Variants in ST8SIA1 observed in about 807,000 individuals in gnomAD.
ST8SIA1 encodes ST8 alpha-N-acetyl-neuraminide alpha-2,8-sialyltransferase 1.
A neutral mutation model predicts 35.9 loss-of-function variants in ST8SIA1; 16 were observed. That is an observed-to-expected ratio of 0.45 (90% CI 0.30 to 0.68). The LOEUF is 0.68. ST8SIA1 is among the 30% of genes least tolerant of loss of function. The pLI, the probability that ST8SIA1 is intolerant of heterozygous loss-of-function variation, is 0.09. For missense variants in ST8SIA1, 383 were observed against 453.6 expected, an observed-to-expected ratio of 0.84 and a Z score of 1.41; for synonymous variants, 170 against 169.6, an observed-to-expected ratio of 1.00 and a Z score of -0.02.
At chr12:22,262,287 T>C (rs1865801805) in intron 2 of ST8SIA1, among the ~76,000 whole-genome samples, 1 of 152,184 alleles carries the variant, frequency 6.6e-6, no homozygotes, top group Non-Finnish European at 1.5e-5. Flanking sequence ...CTTATGTAAA[T>C]AGTACTGGAG....
intron 2 of ST8SIA1, among the ~76,000 whole-genome samples, chr12:22,273,480 A>G (rs966841440): frequency 4.6e-5 from 7 of 152,186 alleles, no homozygotes; most frequent in Non-Finnish European, 7.4e-5. Flanking sequence ...AAGCTGTTTC[A>G]TCATTCAATG....
At chr12:22,305,362 T>A (rs1482289639) in intron 1 of ST8SIA1, among the ~76,000 whole-genome samples, 2 of 151,684 alleles carry the variant, frequency 1.3e-5, no homozygotes, top group African/African-American at 2.4e-5. Context: ...AGAATTGTCT[T>A]AAGAATTTCC....
chr12:22,213,610 A>G (rs2268857), intron 4 of ST8SIA1, among the ~76,000 whole-genome samples: 98,144 of 152,064 alleles, frequency 0.65, 31,997 homozygotes, highest in South Asian at 0.83. Flanking sequence ...TGGTAAGAGC[A>G]GGTAGTACCT....
chr12:22,240,588 G>C lies in ST8SIA1; in HGVS notation c.584+8418C>G, dbSNP rs376002352. 3.9e-5 allele frequency among the ~76,000 whole-genome samples: 6 copies of C among 152,096 alleles called. No homozygotes were observed. The South Asian group carries it at 1.0e-3, about 26-fold the overall frequency. ...TATGGAAGTTTTAGGAACACAGTTT[G>C]AAACATGCATGTATAGTTTGTGTAC... On this transcript the variant is annotated intron_variant, in intron 4 of 4. Transcript: ENST00000396037.
chr12:22,243,047 A>G (rs1865557939), intron 4 of ST8SIA1, among the ~76,000 whole-genome samples: 2 of 152,232 alleles, frequency 1.3e-5, no homozygotes, highest in South Asian at 4.1e-4. Flanking sequence ...TTTTAGATAG[A>G]GTAATAAGTA....
intron 2 of ST8SIA1, chr12:22,286,361 A>G (rs898283067): frequency 1.6e-5 from 8 of 495,554 alleles, no homozygotes; most frequent in Non-Finnish European, 3.2e-5. Flanking sequence ...GAGACACATG[A>G]AAGATTCAGT....
intron 2 of ST8SIA1, among the ~76,000 whole-genome samples, chr12:22,279,872 A>G (rs1866013924): frequency 1.3e-5 from 2 of 152,216 alleles, no homozygotes; most frequent in African/African-American, 2.4e-5. Context: ...ACTGAAGATA[A>G]CAGGGTAGAG....
Position 22,334,055 on chromosome 12 carries a change from C to A in ST8SIA1, c.178G>T (p.Gly60Trp), listed in dbSNP as rs756061488. 6 of 1,614,126 alleles carry A rather than the reference C, an allele frequency of 3.7e-6. No homozygotes were observed. The highest frequency in any genetic ancestry group is 1.7e-4 in the Middle Eastern group (1 of 6,060). The change falls in exon 1 of 5, where the codon GGG (glycine) becomes TGG (tryptophan). Residue 60 changes from glycine (G) to tryptophan (W), a missense_variant. Coordinates refer to ENST00000396037, the MANE Select transcript of ST8SIA1 (RefSeq NM_003034.4). ...RLPNEKEIVQ[G>W]VLQQGTAWRR... ...CACGCCGTGCCCTGTTGCAGCACCC[C>A]CTGCACGATCTCTTTCTCGTTGGGC...
At chr12:22,216,031 G>A (rs1217003336) in intron 4 of ST8SIA1, among the ~76,000 whole-genome samples, 3 of 152,196 alleles carry the variant, frequency 2.0e-5, no homozygotes, top group African/African-American at 7.2e-5. Context: ...CTCAAATTGT[G>A]TCTGGATGAG....
At chr12:22,320,393 C>A (rs1866571199) in intron 1 of ST8SIA1, among the ~76,000 whole-genome samples, 1 of 152,176 alleles carries the variant, frequency 6.6e-6, no homozygotes, top group African/African-American at 2.4e-5. Context: ...AGTCCTGGCA[C>A]CACCCAGCTG....
At chr12:22,247,579 C>G (rs1273282639) in intron 4 of ST8SIA1, among the ~76,000 whole-genome samples, 2 of 151,914 alleles carry the variant, frequency 1.3e-5, no homozygotes, top group African/African-American at 4.8e-5. Context: ...AAAATAAATA[C>G]ATTTACATGG....
At chr12:22,210,291 G>A (rs1423949523) in intron 4 of ST8SIA1, among the ~76,000 whole-genome samples, 1 of 152,074 alleles carries the variant, frequency 6.6e-6, no homozygotes, top group Non-Finnish European at 1.5e-5. Flanking sequence ...AATGTTGAAA[G>A]GATACACATA....
At chr12:22,216,309 A>G (rs1865233119) in intron 4 of ST8SIA1, among the ~76,000 whole-genome samples, 1 of 152,196 alleles carries the variant, frequency 6.6e-6, no homozygotes. Flanking sequence ...AAGTCTAAGC[A>G]TGATATAATC....
At chr12:22,292,283 A>G (rs1330079444) in intron 1 of ST8SIA1, among the ~76,000 whole-genome samples, 1 of 152,220 alleles carries the variant, frequency 6.6e-6, no homozygotes, top group African/African-American at 2.4e-5. Context: ...AATTCCTCAT[A>G]TCCCTCTTCC....
At chr12:22,300,405 C>A (rs562929771) in intron 1 of ST8SIA1, among the ~76,000 whole-genome samples, 1 of 152,208 alleles carries the variant, frequency 6.6e-6, no homozygotes, top group Admixed American at 6.5e-5. Context: ...AGTAAATTAA[C>A]CATTAACGTC....
intron 4 of ST8SIA1, among the ~76,000 whole-genome samples, chr12:22,222,708 T>C (rs571184670): frequency 3.6e-4 from 55 of 152,112 alleles, no homozygotes; most frequent in Non-Finnish European, 7.2e-4. Flanking sequence ...ACTGTACTCA[T>C]TGATTTATTT....
At chr12:22,262,777 G>A (rs973489517) in intron 2 of ST8SIA1, among the ~76,000 whole-genome samples, 1 of 152,210 alleles carries the variant, frequency 6.6e-6, no homozygotes, top group Admixed American at 6.5e-5. Flanking sequence ...CTTTGTGAGA[G>A]GCTGCCTTTG....
rs112802131 is a variant in ST8SIA1, at chr12:22,225,399, A to G, written c.585-23361T>C. On this transcript the variant is annotated intron_variant, in intron 4 of 4. Coordinates refer to ENST00000396037, the MANE Select transcript of ST8SIA1 (RefSeq NM_003034.4). ...GCTGGATCCTAGTAGGCATGTGAGG[A>G]CCAATTGCTCACATTTCTCCTATTA... Among the ~76,000 whole-genome samples the G allele has an allele frequency of 9.8e-4, 149 of 152,136 alleles. 2 individuals carry two copies. Among genetic ancestry groups the G allele is most frequent in the African/African-American group, 3.4e-3 (143 of 41,530 alleles).
At chr12:22,244,366 T>C (rs1043460744) in intron 4 of ST8SIA1, among the ~76,000 whole-genome samples, 1 of 152,162 alleles carries the variant, frequency 6.6e-6, no homozygotes, top group African/African-American at 2.4e-5. Flanking sequence ...GAACCAATAC[T>C]CTTCCTACCC....
Sources: gnomAD v4.1 joint callset for allele counts (sites outside exome capture counted in the v4.1 genomes callset) on GRCh38, gnomAD v4.1.1 for gene constraint, MANE v1.5 for transcripts, NCBI Gene and HGNC (gene_info 2026-07-23, HGNC 2026-07-21) for gene names.